THSD4: variants seen among roughly 807,000 people sequenced by gnomAD.
THSD4 encodes the protein thrombospondin type 1 domain containing 4, also known as thrombospondin type-1 domain-containing protein 4.
In THSD4, 69 loss-of-function variants were observed where a neutral mutation model predicts 119.0. That is an observed-to-expected ratio of 0.58 (90% CI 0.48 to 0.71). The LOEUF (loss-of-function observed/expected upper bound fraction) is 0.71. Among genes scored for constraint, THSD4 ranks in the 30% least tolerant of loss-of-function variants. THSD4 has a pLI of 0.00. For missense variants in THSD4, 1,393 were observed against 1,391.1 expected (o/e 1.00, Z -0.02); for synonymous variants, 524 against 540.4 (o/e 0.97, Z 0.42).
chr15:71,763,831 G>A (rs548412682), intron 15 of THSD4, among the ~76,000 whole-genome samples: 4 of 152,266 alleles, frequency 2.6e-5, no homozygotes, highest in African/African-American at 4.8e-5. Context: ...TTGAGAGGCC[G>A]AGGCAGGCAG....
At chr15:71,372,262 G>T (rs2046062478) in intron 6 of THSD4, among the ~76,000 whole-genome samples, 1 of 152,170 alleles carries the variant, frequency 6.6e-6, no homozygotes, top group Non-Finnish European at 1.5e-5. Flanking sequence ...ATCGTCTGAA[G>T]CCTTCTTCTC....
At chr15:71,236,695 G>C (rs1304100476) in intron 4 of THSD4, among the ~76,000 whole-genome samples, 2 of 152,236 alleles carry the variant, frequency 1.3e-5, no homozygotes, top group African/African-American at 4.8e-5. Context: ...TTATGTGCTA[G>C]TCATTGTAGT....
intron 3 of THSD4, among the ~76,000 whole-genome samples, chr15:71,208,321 G>T (rs935194333): frequency 1.3e-5 from 2 of 151,984 alleles, no homozygotes; most frequent in Non-Finnish European, 2.9e-5. Context: ...CCATAGAGCC[G>T]ATCTCAAAAT....
At chr15:71,135,773 G>C (rs1444146999) in intron 1 of THSD4, among the ~76,000 whole-genome samples, 1 of 151,852 alleles carries the variant, frequency 6.6e-6, no homozygotes, top group Non-Finnish European at 1.5e-5. Flanking sequence ...TCTTGTCCTG[G>C]GCCTGCCCCC....
chr15:71,139,497 C>A (rs1209144058), intron 1 of THSD4, among the ~76,000 whole-genome samples: 1 of 152,178 alleles, frequency 6.6e-6, no homozygotes, highest in African/African-American at 2.4e-5. Flanking sequence ...ACTTGTTGGC[C>A]TTCTTCCTGG....
intron 6 of THSD4, among the ~76,000 whole-genome samples, chr15:71,381,255 A>G (rs1405633365): frequency 1.3e-5 from 2 of 152,180 alleles, no homozygotes; most frequent in African/African-American, 2.4e-5. Context: ...TTAAATATCA[A>G]TTTTGTTTTC....
chr15:71,630,986 C>T (rs2050616827), intron 7 of THSD4, among the ~76,000 whole-genome samples: 1 of 152,184 alleles, frequency 6.6e-6, no homozygotes, highest in Admixed American at 6.5e-5. Flanking sequence ...TGCCATCATG[C>T]TCTCCTCCCC....
In THSD4 at chr15:71,675,406, T is replaced by A. The variant is rs190680853; in HGVS notation, c.1357+14672T>A. Among the ~76,000 whole-genome samples the A allele has an allele frequency of 2.0e-4, 31 of 152,310 alleles. No homozygotes were observed. In the East Asian group the frequency reaches 5.2e-3, roughly 26 times the overall value. On this transcript the variant is annotated intron_variant, in intron 8 of 17. Transcript: ENST00000261862. ...GTCTGTGCTCTTCCCGGTGAGGCCG[T>A]GCAATCCTTGAAGACAAACAGGCCA...
intron 7 of THSD4, among the ~76,000 whole-genome samples, chr15:71,655,991 G>T (rs2051183147): frequency 6.6e-6 from 1 of 152,150 alleles, no homozygotes; most frequent in Non-Finnish European, 1.5e-5. Flanking sequence ...CTGCACCCCA[G>T]GTTTTCTGGT....
intron 6 of THSD4, among the ~76,000 whole-genome samples, chr15:71,339,583 A>G (rs964205281): frequency 6.6e-6 from 1 of 152,170 alleles, no homozygotes; most frequent in African/African-American, 2.4e-5. Context: ...TGCCTGCATT[A>G]AAATCCCAGC....
chr15:71,560,503 T>C (rs1000420140), intron 7 of THSD4, among the ~76,000 whole-genome samples: 1 of 152,196 alleles, frequency 6.6e-6, no homozygotes, highest in Non-Finnish European at 1.5e-5. Flanking sequence ...AGGAACAGCC[T>C]ATGGAGAAAG....
chr15:71,423,053 T>A (rs1008869258), intron 7 of THSD4, among the ~76,000 whole-genome samples: 2 of 152,202 alleles, frequency 1.3e-5, no homozygotes, highest in African/African-American at 2.4e-5. Context: ...TTGTGGTGAA[T>A]GCTGCCAGAC....
chr15:71,125,200 G>A (rs2040443473), intron 1 of THSD4, among the ~76,000 whole-genome samples: 1 of 152,316 alleles, frequency 6.6e-6, no homozygotes, highest in South Asian at 2.1e-4. Flanking sequence ...CCCTACACTG[G>A]TTTATTATTG....
chr15:71,242,910 C>A lies in THSD4; in HGVS notation c.726C>A (p.Ile242=), dbSNP rs2044165817. The A allele has an allele frequency of 6.2e-7, 1 of 1,614,244 alleles. No homozygotes were observed. The highest frequency in any genetic ancestry group is 8.5e-7 in the Non-Finnish European group (1 of 1,180,040). ...RSGLQAAEAP[I]YQLPLTHDQG... ...GACTGCAGGCTGCGGAGGCCCCCAT[C>A]TACCAGCTACCTTTGACCCATGATC... Residue 242 remains isoleucine (I), a synonymous_variant, in exon 5 of 18, where the codon ATC becomes ATA. Coordinates refer to ENST00000261862, the MANE Select transcript of THSD4 (RefSeq NM_024817.3).
At chr15:71,735,799 GCTTT>G (rs2141145297) in intron 10 of THSD4, among the ~76,000 whole-genome samples, 1 of 121,228 alleles carries the variant, frequency 8.2e-6, no homozygotes, top group African/African-American at 3.2e-5. Context: ...CTGCTCTCTT[GCTTT>G]CTGTCTCTAT....
intron 4 of THSD4, among the ~76,000 whole-genome samples, chr15:71,230,590 CAG>C (rs2044052973): frequency 6.6e-6 from 1 of 152,234 alleles, no homozygotes; most frequent in African/African-American, 2.4e-5. Flanking sequence ...CTGCTGGAGA[CAG>C]GGTGTGGAAT....
intron 6 of THSD4, among the ~76,000 whole-genome samples, chr15:71,347,346 C>T (rs2045678349): frequency 6.6e-6 from 1 of 152,066 alleles, no homozygotes; most frequent in African/African-American, 2.4e-5. Flanking sequence ...ACCATGTCAC[C>T]CTCCCTCATA....
At chr15:71,257,264 C>T (rs1460549435) in intron 6 of THSD4, among the ~76,000 whole-genome samples, 1 of 152,188 alleles carries the variant, frequency 6.6e-6, no homozygotes, top group Non-Finnish European at 1.5e-5. Context: ...GTTGATCCCA[C>T]TCTGCATGCT....
intron 5 of THSD4, 54 bp downstream of exon 5, chr15:71,243,150 G>C (rs2044169699): frequency 6.5e-7 from 1 of 1,544,578 alleles, no homozygotes; most frequent in African/African-American, 1.4e-5. Context: ...TCGTTTTTCT[G>C]TCATTTGGCA....
Sources: gnomAD v4.1 joint callset for allele counts (sites outside exome capture counted in the v4.1 genomes callset) on GRCh38, gnomAD v4.1.1 for gene constraint, MANE v1.5 for transcripts, NCBI Gene and HGNC (gene_info 2026-07-23, HGNC 2026-07-21) for gene names.